Variants in ZMAT4 observed in about 807,000 individuals in gnomAD.
ZMAT4 encodes the protein zinc finger matrin-type 4.
In ZMAT4, 17 loss-of-function variants were observed where a neutral mutation model predicts 28.7. That is an observed-to-expected ratio of 0.59 (90% CI 0.41 to 0.89). The LOEUF is 0.89. ZMAT4 is among the 40% of genes least tolerant of loss of function. The probability of loss-of-function intolerance (pLI) is 0.00; values close to 1 mark genes in which losing one functional copy is unlikely to be tolerated. For missense variants in ZMAT4, 240 were observed against 283.8 expected (o/e 0.85, Z 1.11); for synonymous variants, 117 against 109.2 (o/e 1.07, Z -0.44).
intron 1 of ZMAT4, among the ~76,000 whole-genome samples, chr8:40,856,046 T>TC (rs1197104153): frequency 2.0e-5 from 3 of 151,220 alleles, no homozygotes; most frequent in African/African-American, 4.9e-5. Context: ...CACAAGACCC[T>TC]CCCCCCGGTA....
At chr8:40,717,271 T>C (rs1330186909) in intron 3 of ZMAT4, among the ~76,000 whole-genome samples, 1 of 152,204 alleles carries the variant, frequency 6.6e-6, no homozygotes, top group Non-Finnish European at 1.5e-5. Flanking sequence ...CTGATACAGA[T>C]TGTACAAAAA....
At chr8:40,862,570 T>TAA (rs1554572612) in intron 1 of ZMAT4, among the ~76,000 whole-genome samples, 31 of 90,020 alleles carry the variant, frequency 3.4e-4, no homozygotes, top group Non-Finnish European at 3.9e-4. Flanking sequence ...TAGAGTATAA[T>TAA]AAAAAAAAAA....
chr8:40,659,578 A>G (rs1268352755), intron 5 of ZMAT4, among the ~76,000 whole-genome samples: 1 of 152,196 alleles, frequency 6.6e-6, no homozygotes, highest in Non-Finnish European at 1.5e-5. Context: ...GTGCATCATT[A>G]AACATAAGCT....
intron 3 of ZMAT4, among the ~76,000 whole-genome samples, chr8:40,756,823 A>T (rs1044027090): frequency 6.6e-6 from 1 of 152,054 alleles, no homozygotes; most frequent in Non-Finnish European, 1.5e-5. Context: ...ACCTCATTTT[A>T]CGTACGTTTC....
chr8:40,820,478 A>G (rs1215258239), intron 2 of ZMAT4, among the ~76,000 whole-genome samples: 2 of 146,234 alleles, frequency 1.4e-5, no homozygotes, highest in African/African-American at 2.5e-5. Flanking sequence ...ATGTGTGTTT[A>G]TGTGTATGTG....
At chr8:40,634,352 T>A (rs940660859) in intron 5 of ZMAT4, among the ~76,000 whole-genome samples, 23 of 152,194 alleles carry the variant, frequency 1.5e-4, no homozygotes, top group African/African-American at 5.5e-4. Flanking sequence ...GATTCCTCTG[T>A]GTATCTAAGC....
At chr8:40,775,729 T>C (rs1263056814) in intron 2 of ZMAT4, among the ~76,000 whole-genome samples, 2 of 152,150 alleles carry the variant, frequency 1.3e-5, no homozygotes, top group Non-Finnish European at 2.9e-5. Context: ...CTTTTAATTA[T>C]AGGATCGTGG....
Position 40,532,022 on chromosome 8 carries a change from T to C in ZMAT4, c.*201A>G, listed in dbSNP as rs1308674934. The C allele has an allele frequency of 2.4e-6, 1 of 409,354 alleles. No homozygotes were observed. The highest frequency in any genetic ancestry group is 4.2e-6 in the Non-Finnish European group (1 of 235,392). The allele number at this position is 409,354 out of a possible 1,614,324, so 25.4% of individuals were successfully genotyped here. A position where few individuals can be genotyped will look rare whatever the true frequency, so the allele number is the denominator to read the frequency against. ...AAAAATCCATCCAAATATCATAACT[T>C]ACCCCAAAATTAAAAAAAGGAAAAA... On this transcript the variant is annotated 3_prime_UTR_variant, in exon 7 of 7. Coordinates refer to ENST00000297737, the MANE Select transcript of ZMAT4 (RefSeq NM_024645.3).
At chr8:40,890,295 T>C (rs555646637) in intron 1 of ZMAT4, among the ~76,000 whole-genome samples, 1 of 152,078 alleles carries the variant, frequency 6.6e-6, no homozygotes, top group African/African-American at 2.4e-5. Context: ...GTGTGGATCC[T>C]TCTCCTATAG....
chr8:40,705,597 A>C (rs1198828461), intron 3 of ZMAT4, among the ~76,000 whole-genome samples: 1 of 152,196 alleles, frequency 6.6e-6, no homozygotes, highest in African/African-American at 2.4e-5. Context: ...ATTTCAAAAA[A>C]CATTTTTTCA....
intron 5 of ZMAT4, among the ~76,000 whole-genome samples, chr8:40,668,240 G>A (rs1808514819): frequency 1.3e-5 from 2 of 152,036 alleles, no homozygotes; most frequent in African/African-American, 4.8e-5. Context: ...GGAAGTTTGA[G>A]GCAGGCGGAT....
At chr8:40,784,929 A>G (rs562312158) in intron 2 of ZMAT4, among the ~76,000 whole-genome samples, 3 of 152,362 alleles carry the variant, frequency 2.0e-5, no homozygotes, top group Non-Finnish European at 2.9e-5. Context: ...CTGCATTCTC[A>G]GGTTAAATAA....
At chr8:40,721,752 T>C (rs945127033) in intron 3 of ZMAT4, among the ~76,000 whole-genome samples, 7 of 152,006 alleles carry the variant, frequency 4.6e-5, no homozygotes, top group Admixed American at 4.6e-4. Flanking sequence ...TTTTTTCATG[T>C]GTTTTTTGGC....
chr8:40,799,206 G>A (rs969711882), intron 2 of ZMAT4, among the ~76,000 whole-genome samples: 4 of 132,970 alleles, frequency 3.0e-5, no homozygotes, highest in Non-Finnish European at 6.5e-5. Context: ...AGGATAGATG[G>A]GTGGATGGAT....
At chr8:40,623,055 TGG>T (rs942154305) in intron 5 of ZMAT4, among the ~76,000 whole-genome samples, 16 of 152,210 alleles carry the variant, frequency 1.1e-4, no homozygotes, top group Non-Finnish European at 1.9e-4. Flanking sequence ...TATTAAGTAC[TGG>T]GGACACCAAG....
At chr8:40,882,954 C>T (rs9298606) in intron 1 of ZMAT4, among the ~76,000 whole-genome samples, 15,978 of 152,074 alleles carry the variant, frequency 0.11, 1,039 homozygotes, top group African/African-American at 0.17. Flanking sequence ...TCCTTATTGC[C>T]GTTATCACTC....
At chr8:40,607,647 T>A (rs1805644483) in intron 5 of ZMAT4, among the ~76,000 whole-genome samples, 1 of 152,132 alleles carries the variant, frequency 6.6e-6, no homozygotes, top group Non-Finnish European at 1.5e-5. Flanking sequence ...TTCCTTCTCA[T>A]TTGGGTAGAC....
chr8:40,849,023 C>G (rs886604025), intron 1 of ZMAT4, among the ~76,000 whole-genome samples: 1 of 152,230 alleles, frequency 6.6e-6, no homozygotes, highest in Non-Finnish European at 1.5e-5. Flanking sequence ...GCGAGCCATG[C>G]GGGAGGACAA....
At chr8:40,557,050 T>C (rs531438553) in intron 6 of ZMAT4, among the ~76,000 whole-genome samples, 26 of 151,924 alleles carry the variant, frequency 1.7e-4, no homozygotes, top group Non-Finnish European at 3.1e-4. Flanking sequence ...ATGAGATCAA[T>C]TTTTTTTAGC....
Sources: allele counts gnomAD v4.1 joint callset (sites outside exome capture counted in the v4.1 genomes callset), GRCh38; gene constraint gnomAD v4.1.1; transcripts MANE v1.5; gene names NCBI Gene and HGNC (gene_info 2026-07-23, HGNC 2026-07-21).